LAMA5: variants seen among roughly 807,000 people sequenced by gnomAD.
The protein encoded by LAMA5 is laminin subunit alpha 5.
LAMA5 carries 260 observed loss-of-function variants against 433.4 expected under a neutral mutation model. The observed-to-expected ratio is 0.60, with a 90% CI of 0.54 to 0.66. LAMA5 has a LOEUF of 0.66. Among genes scored for constraint, LAMA5 ranks in the 30% least tolerant of loss-of-function variants. LAMA5 has a pLI of 0.00. For synonymous variants in LAMA5, 2,620 were observed against 2,226.6 expected, an observed-to-expected ratio of 1.18 and a Z score of -4.97; for missense variants, 5,378 against 5,258.5, an observed-to-expected ratio of 1.02 and a Z score of -0.70.
chr20:62,309,285 C>A lies in LAMA5; in HGVS notation c.*51G>T. The A allele has an allele frequency of 1.3e-6, 2 of 1,566,642 alleles. No individual in the cohort carries two copies. Among genetic ancestry groups the A allele is most frequent in the East Asian group, 2.3e-5 (1 of 44,200 alleles). On this transcript the variant is annotated 3_prime_UTR_variant, in exon 80 of 80. Coordinates refer to ENST00000252999, the MANE Select transcript of LAMA5 (RefSeq NM_005560.6). ...ACACCTATGAGGCGAGCACAAGGGG[C>A]GGTGTGAGGCAGCTGCAGGGGCCTG... is the stretch of plus-strand genomic sequence containing the variant.
In LAMA5 at chr20:62,335,223, G is replaced by A. The variant is rs376455173; in HGVS notation, c.2370C>T (p.Cys790=). The A allele has an allele frequency of 1.2e-6, 2 of 1,612,748 alleles. No individual in the cohort carries two copies. Among genetic ancestry groups the A allele is most frequent in the Non-Finnish European group, 1.7e-6 (2 of 1,179,592 alleles). Residue 790 remains cysteine (C), a synonymous_variant, in exon 19 of 80, where the codon TGC becomes TGT. Transcript: ENST00000252999. ...CCTTGGTCCTCAGACTCACCGGCTG[G>A]CACTCAGCAACTCCACCCAGTGTGC... ...LRGTLGGVAE[C]QPGTGQCFCK...
In LAMA5 at chr20:62,332,694, T is replaced by C; in HGVS notation, c.3306A>G (p.Ala1102=). The part of the protein sequence containing the change: ...GSDVDVQLQV[A]VPQPGRYALV... The stretch of plus-strand genomic sequence containing the variant: ...GGGCATAGCGGCCTGGCTGTGGCAC[T>C]GCCACTTGAAGCTGGACGTCCACCT... Residue 1102 remains alanine, a synonymous_variant, in exon 27 of 80, where the codon GCA becomes GCG. Transcript: ENST00000252999. 1 of 1,611,004 alleles carries C rather than the reference T, an allele frequency of 6.2e-7. No individual in the cohort carries two copies. The highest frequency in any genetic ancestry group is 8.5e-7 in the Non-Finnish European group (1 of 1,179,186).
rs560527154 is a variant in LAMA5 at position 62,313,650 on chromosome 20, G to A, written c.8657C>T (p.Thr2886Met). 9.9e-6 allele frequency: 16 copies of A among 1,612,498 alleles called. No individual in the cohort carries two copies. The highest frequency in any genetic ancestry group is 6.6e-5 in the South Asian group (6 of 91,082). ...CTGCCCCAGGCCGGGCGGGCTCACC[G>A]TGAAGGTACTGGGGTACCCCCCGAC... Reference protein sequence around the residue: ...FYVGGYPSTFTPPPLLRFPGY... With the variant: ...FYVGGYPSTFMPPPLLRFPGY... The change falls in exon 63 of 80, where the codon ACG becomes ATG. Residue 2886 changes from threonine (T) to methionine (M), a missense_variant and splice_region_variant. Thr to Met is a moderately conservative substitution (Grantham distance 81). Transcript: ENST00000252999.
rs1192451720 is a variant in LAMA5, at chr20:62,322,642, T to C, written c.6165+16A>G. On this transcript the variant is annotated intron_variant, in intron 46 of 79. Transcript: ENST00000252999. ...TAGGCCCCACCCACCCAGCCCTGCTTACCCCACAGCCCTACCTGGCAGCGG... is the reference window on the plus strand; with the variant it reads ...TAGGCCCCACCCACCCAGCCCTGCTCACCCCACAGCCCTACCTGGCAGCGG... 4 of 1,455,784 alleles carry C rather than the reference T, an allele frequency of 2.7e-6. No individual in the cohort carries two copies. In the African/African-American group the frequency reaches 4.2e-5, roughly 15 times the overall value. 90.2% of individuals were successfully genotyped at this position (1,455,784 alleles called of 1,614,324 possible).
chr20:62,342,791 A>G (rs1257812332), intron 11 of LAMA5, among the ~76,000 whole-genome samples: 4 of 152,272 alleles, frequency 2.6e-5, no homozygotes, highest in Admixed American at 6.5e-5. Context: ...TGATTTTTAA[A>G]CTGATTGGGA....
In LAMA5 at chr20:62,330,690, G is replaced by A. The variant is rs878868233; in HGVS notation, c.3852+53C>T. ...CCCTGGACAACCTGCCCTGGGTTGG[G>A]ACCCGGAGTCCTGCCCTGACACCCC... is the stretch of plus-strand genomic sequence containing the variant. On this transcript the variant is annotated intron_variant, in intron 30 of 79. Coordinates refer to ENST00000252999, the MANE Select transcript of LAMA5 (RefSeq NM_005560.6). 4 of 1,557,582 alleles carry A rather than the reference G, an allele frequency of 2.6e-6. No individual in the cohort carries two copies. In the African/African-American group the frequency reaches 5.4e-5, roughly 21 times the overall value.
At chr20:62,321,367 T>C (rs992150222) in intron 48 of LAMA5, among the ~76,000 whole-genome samples, 2 of 6,118 alleles carry the variant, frequency 3.3e-4, no homozygotes, top group African/African-American at 8.9e-4. Context: ...CCAGTGGGGG[T>C]GGGGTCAGTG....
rs756101266 is a variant in LAMA5 at position 62,329,046 on chromosome 20, G to A, written c.4245C>T (p.Ser1415=). Residue 1415 remains serine (S), a synonymous_variant, in exon 34 of 80, where the codon AGC becomes AGT. Transcript: ENST00000252999. ...CAGCGTTTCGGCAGAACAGGGATGAGCTGCTGGGGCTACATGGAGGGGCAC... is the reference window on the plus strand; with the variant it reads ...CAGCGTTTCGGCAGAACAGGGATGAACTGCTGGGGCTACATGGAGGGGCAC... The part of the protein sequence containing the change: ...AAQGYHISPS[S]SSLFCRNAAA... The A allele has an allele frequency of 1.2e-6, 2 of 1,612,576 alleles. No individual in the cohort carries two copies. The highest frequency in any genetic ancestry group is 2.7e-5 in the African/African-American group (2 of 74,940).
chr20:62,317,406 G>A lies in LAMA5; in HGVS notation c.7450C>T (p.Leu2484=), dbSNP rs763882579. 15 of 1,609,290 alleles carry A rather than the reference G, an allele frequency of 9.3e-6. No homozygotes were observed. The African/African-American group carries it at 2.0e-4, about 21-fold the overall frequency. ...GCGTGGGCCTCGGCGGCCTCCACTA[G>A]ACGCAGCTTGCTGCCCGCCGGGGAG... ...TFSPAGSKLR[L]VEAAEAHAQQ... Residue 2484 remains leucine, a synonymous_variant, in exon 55 of 80, where the codon CTA becomes TTA. Transcript: ENST00000252999.
Position 62,317,491 on chromosome 20 carries a change from C to T in LAMA5, c.7365G>A (p.Glu2455=), listed in dbSNP as rs757799026. ...HSLDQAKEEL[E]RLAASLDGAR... Reference sequence around the variant, plus strand: ...CCCCATCCAGGCTGGCGGCGAGGCGCTCCAGCTCCTGGAATTTGAGTGGAC... The same window carrying T: ...CCCCATCCAGGCTGGCGGCGAGGCGTTCCAGCTCCTGGAATTTGAGTGGAC... The change falls in exon 55 of 80, where the codon GAG becomes GAA. Residue 2455 remains glutamate, a synonymous_variant. Coordinates refer to ENST00000252999, the MANE Select transcript of LAMA5 (RefSeq NM_005560.6). The T allele has an allele frequency of 1.0e-5, 16 of 1,543,166 alleles. No individual in the cohort carries two copies. Among genetic ancestry groups the T allele is most frequent in the Non-Finnish European group, 1.4e-5 (16 of 1,142,036 alleles).
Position 62,330,594 on chromosome 20 carries a change from G to C in LAMA5, c.3873C>G (p.Thr1291=), listed in dbSNP as rs1385494948. The C allele has an allele frequency of 6.3e-7, 1 of 1,593,466 alleles. No homozygotes were observed. Among genetic ancestry groups the C allele is most frequent in the Non-Finnish European group, 8.5e-7 (1 of 1,171,728 alleles). ...REPQATVVFT[T]HVPTLGRYAF... ...CATAGCGGCCCAGCGTGGGCACATG[G>C]GTGGTGAAGACCACGGTGGCCTGCA... Residue 1291 remains threonine, a synonymous_variant, in exon 31 of 80, where the codon ACC becomes ACG. Coordinates refer to ENST00000252999, the MANE Select transcript of LAMA5 (RefSeq NM_005560.6).
Position 62,312,929 on chromosome 20 carries a change from G to A in LAMA5, c.9037C>T (p.Pro3013Ser). 3 of 1,580,824 alleles carry A rather than the reference G, an allele frequency of 1.9e-6. No homozygotes were observed. Among genetic ancestry groups the A allele is most frequent in the Non-Finnish European group, 2.6e-6 (3 of 1,161,344 alleles). ...DFGAGLKKAV[P>S]LQPPPPLTSA... is the part of the protein sequence containing the mutation. ...GTCAGGGGCGGTGGGGGCTGCAGTG[G>A]GACGGCCTTTTTCAGGCCAGCCCCA... Residue 3013 changes from proline to serine, a missense_variant, in exon 66 of 80, where the codon CCA (proline) becomes TCA (serine). Coordinates refer to ENST00000252999, the MANE Select transcript of LAMA5 (RefSeq NM_005560.6).
intron 20 of LAMA5, 114 bp downstream of exon 20, chr20:62,334,907 A>T: frequency 1.0e-6 from 1 of 981,140 alleles, no homozygotes; most frequent in Non-Finnish European, 1.5e-6. Flanking sequence ...GCAGCCATCC[A>T]TCACCCGGGC....
rs148384450 is a variant in LAMA5, at chr20:62,312,199, C to T, written c.9478G>A (p.Ala3160Thr). ...GGGGACGCCCGGTAGTAGAGCAGGGCACTGTCCTGGGCGCTGTGGAAGCCG... is the reference window on the plus strand; with the variant it reads ...GGGGACGCCCGGTAGTAGAGCAGGGTACTGTCCTGGGCGCTGTGGAAGCCG... ...GFGFHSAQDS[A>T]LLYYRASPDG... Residue 3160 changes from alanine to threonine, a missense_variant, in exon 69 of 80, where the codon GCC becomes ACC. By Grantham distance (58) the Ala-to-Thr change is moderately conservative. Coordinates refer to ENST00000252999, the MANE Select transcript of LAMA5 (RefSeq NM_005560.6). 14 of 1,610,676 alleles carry T rather than the reference C, an allele frequency of 8.7e-6. No individual in the cohort carries two copies. In the African/African-American group the frequency reaches 1.6e-4, roughly 18 times the overall value.
chr20:62,356,698 A>C (rs1469833621), intron 2 of LAMA5, among the ~76,000 whole-genome samples: 1 of 152,164 alleles, frequency 6.6e-6, no homozygotes, highest in African/African-American at 2.4e-5. Context: ...CCCAGGGCCC[A>C]GGCCGGCTCC....
intron 1 of LAMA5, among the ~76,000 whole-genome samples, chr20:62,366,413 G>T (rs1482652696): frequency 6.6e-6 from 1 of 152,232 alleles, no homozygotes; most frequent in African/African-American, 2.4e-5. Context: ...GGAGCCACGT[G>T]TTCCCAGCCC....
chr20:62,315,626 C>T (rs1986855287), intron 58 of LAMA5, among the ~76,000 whole-genome samples: 4 of 152,186 alleles, frequency 2.6e-5, no homozygotes, highest in Admixed American at 2.6e-4. Flanking sequence ...TGGTTCCAGC[C>T]ACGCTGACCA....
intron 34 of LAMA5, 101 bp from the exon 35 acceptor site, chr20:62,328,546 G>A (rs918705004): frequency 2.5e-5 from 31 of 1,257,686 alleles, no homozygotes; most frequent in East Asian, 5.1e-5. Flanking sequence ...TGACGGGGGC[G>A]GGGGAGACAA....
chr20:62,359,087 C>G lies in LAMA5; in HGVS notation c.450+3313G>C, dbSNP rs1985657358. Reference sequence around the variant, plus strand: ...GCCCTGCAGCTCTGGGCCTCGGGGACTGGGACAAAGCCGCTACCCCACCTG... The same window carrying G: ...GCCCTGCAGCTCTGGGCCTCGGGGAGTGGGACAAAGCCGCTACCCCACCTG... On this transcript the variant is annotated intron_variant, in intron 2 of 79. Coordinates refer to ENST00000252999, the MANE Select transcript of LAMA5 (RefSeq NM_005560.6). This position sits in a 1 kb window ranked among gnomAD's most constrained non-coding sequence, Gnocchi z 4.3. 6.6e-6 allele frequency among the ~76,000 whole-genome samples: 1 copy of G among 152,162 alleles called. No individual in the cohort carries two copies. Among genetic ancestry groups the G allele is most frequent in the South Asian group, 2.1e-4 (1 of 4,832 alleles).
Sources: allele counts gnomAD v4.1 joint callset (sites outside exome capture counted in the v4.1 genomes callset), GRCh38; gene constraint gnomAD v4.1.1; non-coding constraint Gnocchi (gnomAD v3.1); transcripts MANE v1.5; gene names NCBI Gene and HGNC (gene_info 2026-07-23, HGNC 2026-07-21).